The following THSD4 variants were observed in gnomAD, a reference collection of about 807,000 sequenced individuals.
THSD4 encodes thrombospondin type-1 domain-containing protein 4.
A neutral mutation model predicts 119.0 loss-of-function variants in THSD4; 69 were observed. That is an observed-to-expected ratio of 0.58 (90% confidence interval 0.48 to 0.71). THSD4 has a LOEUF of 0.71. Among genes scored for constraint, THSD4 ranks in the 30% least tolerant of loss-of-function variants. The pLI is 0.00. For synonymous variants in THSD4, 524 were observed against 540.4 expected (o/e 0.97, Z 0.42); for missense variants, 1,393 against 1,391.1 (o/e 1.00, Z -0.02).
At chr15:71,149,788 G>T (rs2040702157) in intron 2 of THSD4, among the ~76,000 whole-genome samples, 1 of 152,088 alleles carries the variant, frequency 6.6e-6, no homozygotes, top group African/African-American at 2.4e-5. Context: ...AGGTACACAG[G>T]GGCTGTGACA....
At chr15:71,344,705 A>G (rs1426312193) in intron 6 of THSD4, among the ~76,000 whole-genome samples, 1 of 152,170 alleles carries the variant, frequency 6.6e-6, no homozygotes, top group Non-Finnish European at 1.5e-5. Flanking sequence ...ATTCTTTCAT[A>G]ATCAGAAAAA....
intron 7 of THSD4, among the ~76,000 whole-genome samples, chr15:71,572,479 A>C (rs1195183889): frequency 6.6e-6 from 1 of 152,192 alleles, no homozygotes; most frequent in East Asian, 1.9e-4. Context: ...ACTGCACTGC[A>C]TGCTGGAAAG....
intron 1 of THSD4, among the ~76,000 whole-genome samples, chr15:71,134,879 A>G (rs1823862775): frequency 6.6e-6 from 1 of 151,728 alleles, no homozygotes; most frequent in East Asian, 1.9e-4. Context: ...ATATACCCAA[A>G]TGACTATAAA....
intron 8 of THSD4, among the ~76,000 whole-genome samples, chr15:71,668,472 G>A (rs1397277620): frequency 6.6e-6 from 1 of 152,076 alleles, no homozygotes; most frequent in Admixed American, 6.5e-5. Context: ...AAAAGGGAGG[G>A]GAGAAGGGGA....
intron 2 of THSD4, among the ~76,000 whole-genome samples, chr15:71,151,379 C>CTT (rs57878253): frequency 0.012 from 1,798 of 145,084 alleles, 40 homozygotes; most frequent in African/African-American, 0.043. Flanking sequence ...GGAGCTGCAG[C>CTT]TTTTTTTTTT....
At chr15:71,444,752 A>G (rs899765180) in intron 7 of THSD4, among the ~76,000 whole-genome samples, 23 of 152,172 alleles carry the variant, frequency 1.5e-4, no homozygotes, top group African/African-American at 5.1e-4. Flanking sequence ...TTTATTCTTG[A>G]AGTCTCAGAA....
Position 71,758,090 on chromosome 15 carries a change from C to G in THSD4, c.2589+15C>G. Reference sequence around the variant, plus strand: ...GCTGGAGTCAGGTGAGTGGCCAGAACTGGGTATGTCTGCCTGTGTCAGGCA... The same window carrying G: ...GCTGGAGTCAGGTGAGTGGCCAGAAGTGGGTATGTCTGCCTGTGTCAGGCA... On this transcript the variant is annotated intron_variant, in intron 15 of 17. Coordinates refer to ENST00000261862, the MANE Select transcript of THSD4 (RefSeq NM_024817.3). The G allele has an allele frequency of 6.5e-7, 1 of 1,547,134 alleles. No individual in the cohort carries two copies. Among genetic ancestry groups the G allele is most frequent in the Non-Finnish European group, 8.8e-7 (1 of 1,142,842 alleles).
intron 4 of THSD4, among the ~76,000 whole-genome samples, chr15:71,232,085 C>T (rs1351673195): frequency 1.3e-5 from 2 of 152,134 alleles, no homozygotes; most frequent in Non-Finnish European, 2.9e-5. Flanking sequence ...CCTTGGTGAA[C>T]ACACACGTTT....
intron 7 of THSD4, among the ~76,000 whole-genome samples, chr15:71,533,008 C>G (rs2048638358): frequency 6.6e-6 from 1 of 152,168 alleles, no homozygotes; most frequent in Non-Finnish European, 1.5e-5. Context: ...TATTCACTTG[C>G]CATGTGTGTG....
At chr15:71,724,297 TCC>T (rs201576024) in intron 8 of THSD4, among the ~76,000 whole-genome samples, 8 of 41,610 alleles carry the variant, frequency 1.9e-4, no homozygotes, top group Non-Finnish European at 4.0e-4. Flanking sequence ...ATTTTTTTTT[TCC>T]CCCCAAGATG....
intron 2 of THSD4, among the ~76,000 whole-genome samples, chr15:71,143,504 A>C (rs1384156968): frequency 6.6e-6 from 1 of 151,934 alleles, no homozygotes; most frequent in East Asian, 2.0e-4. Context: ...GGGCAAGCAG[A>C]TTATGAAAGG....
chr15:71,662,973 G>A (rs2051339683), intron 8 of THSD4, among the ~76,000 whole-genome samples: 1 of 152,126 alleles, frequency 6.6e-6, no homozygotes, highest in Admixed American at 6.5e-5. Context: ...TGAGGGGCGG[G>A]CAGGGAGGTT....
chr15:71,716,749 C>T (rs927169685), intron 8 of THSD4, among the ~76,000 whole-genome samples: 4 of 152,098 alleles, frequency 2.6e-5, no homozygotes, highest in Non-Finnish European at 5.9e-5. Flanking sequence ...GGCCTTTTTC[C>T]CTCAAACCAA....
At chr15:71,218,064 G>A (rs2043948787) in intron 4 of THSD4, among the ~76,000 whole-genome samples, 1 of 151,624 alleles carries the variant, frequency 6.6e-6, no homozygotes, top group Non-Finnish European at 1.5e-5. Flanking sequence ...GAGTCACCGT[G>A]CGTGGCCTCC....
intron 1 of THSD4, among the ~76,000 whole-genome samples, chr15:71,138,020 CCTT>C (rs1343681747): frequency 1.3e-5 from 2 of 152,198 alleles, no homozygotes; most frequent in African/African-American, 4.8e-5. Flanking sequence ...CTCCCCCAAA[CCTT>C]CTTCCTTTCA....
intron 7 of THSD4, among the ~76,000 whole-genome samples, chr15:71,625,385 G>A (rs2050490087): frequency 6.6e-6 from 1 of 152,124 alleles, no homozygotes; most frequent in South Asian, 2.1e-4. Flanking sequence ...GAGTATATTG[G>A]GGGCTCTTCA....
intron 8 of THSD4, among the ~76,000 whole-genome samples, chr15:71,721,997 AC>A (rs1290399326): frequency 2.0e-5 from 3 of 151,248 alleles, no homozygotes; most frequent in African/African-American, 7.2e-5. Flanking sequence ...AAGGAATAAA[AC>A]CCAAATGTCA....
At chr15:71,724,192 G>C (rs1238487332) in intron 8 of THSD4, among the ~76,000 whole-genome samples, 1 of 147,656 alleles carries the variant, frequency 6.8e-6, no homozygotes, top group East Asian at 2.0e-4. Context: ...CGCAGGAGCA[G>C]AGCACAGAGA....
chr15:71,471,252 T>C (rs945450963), intron 7 of THSD4, among the ~76,000 whole-genome samples: 1 of 152,154 alleles, frequency 6.6e-6, no homozygotes, highest in Admixed American at 6.6e-5. Flanking sequence ...CTCTGCATGC[T>C]AAGGTTCAGA....
Sources: allele counts gnomAD v4.1 joint callset (sites outside exome capture counted in the v4.1 genomes callset), GRCh38; gene constraint gnomAD v4.1.1; transcripts MANE v1.5; gene names NCBI Gene and HGNC (gene_info 2026-07-23, HGNC 2026-07-21).